SLC27A4: variants seen among roughly 807,000 people sequenced by gnomAD.
The protein encoded by SLC27A4 is long-chain fatty acid transport protein 4.
SLC27A4 carries 33 observed loss-of-function variants against 64.4 expected under a neutral mutation model. The observed-to-expected ratio is 0.51, with a 90% CI of 0.39 to 0.68. The LOEUF is 0.68. Ranked by LOEUF, SLC27A4 falls within the 30% of genes least tolerant of loss-of-function variation. SLC27A4 has a pLI of 0.00. For synonymous variants in SLC27A4, 377 were observed against 370.0 expected (o/e 1.02, Z -0.22); for missense variants, 824 against 883.5 (o/e 0.93, Z 0.85).
chr9:128,349,009 T>C (rs1003071097), intron 4 of SLC27A4, among the ~76,000 whole-genome samples: 1 of 124,794 alleles, frequency 8.0e-6, no homozygotes, highest in Non-Finnish European at 1.6e-5. Context: ...TCCTGTGGAC[T>C]CCGGGAACCT....
At chr9:128,351,721 T>C (rs1832739588) in intron 6 of SLC27A4, among the ~76,000 whole-genome samples, 1 of 152,022 alleles carries the variant, frequency 6.6e-6, no homozygotes, top group Non-Finnish European at 1.5e-5. Flanking sequence ...TGTCTCAAAA[T>C]AAATAAATAA....
chr9:128,360,570 C>A lies in SLC27A4; in HGVS notation c.*79C>A. 1 of 1,530,258 alleles carries A rather than the reference C, an allele frequency of 6.5e-7. No individual in the cohort carries two copies. Among genetic ancestry groups the A allele is most frequent in the South Asian group, 1.1e-5 (1 of 88,092 alleles). 94.8% of individuals were successfully genotyped at this position (1,530,258 alleles called of 1,614,324 possible). A position where few individuals can be genotyped will look rare whatever the true frequency, so the allele number is the denominator to read the frequency against. Reference sequence around the variant, plus strand: ...CGCCCCAGAGCGGTCCTGGACAAGGCCAGACCAAAGCAAGCAGGGCCTGGC... The same window carrying A: ...CGCCCCAGAGCGGTCCTGGACAAGGACAGACCAAAGCAAGCAGGGCCTGGC... On this transcript the variant is annotated 3_prime_UTR_variant, in exon 13 of 13. Coordinates refer to ENST00000300456, the MANE Select transcript of SLC27A4 (RefSeq NM_005094.4).
chr9:128,359,843 G>A (rs1289969617), intron 12 of SLC27A4, among the ~76,000 whole-genome samples: 3 of 152,130 alleles, frequency 2.0e-5, no homozygotes, highest in Admixed American at 2.0e-4. Flanking sequence ...TTTTATGTAC[G>A]AGTAAGAAAA....
At chr9:128,341,774 T>G (rs1832576276) in intron 1 of SLC27A4, among the ~76,000 whole-genome samples, 1 of 152,180 alleles carries the variant, frequency 6.6e-6, no homozygotes, top group South Asian at 2.1e-4. Flanking sequence ...AGTCTCGCTC[T>G]GTCTCCCAGG....
Position 128,355,419 on chromosome 9 carries a change from A to T in SLC27A4, c.1484A>T (p.Glu495Val). 1 of 1,613,566 alleles carries T rather than the reference A, an allele frequency of 6.2e-7. No homozygotes were observed. The change falls in exon 11 of 13, where the codon GAG becomes GTG. Residue 495 changes from glutamate to valine, a missense_variant. Glu to Val is a moderately radical substitution (Grantham distance 121). Coordinates refer to ENST00000300456, the MANE Select transcript of SLC27A4 (RefSeq NM_005094.4). ...CTAGGTGATGTGCTGGTGATGGACG[A>T]GCTGGGCTACCTGTACTTCCGAGAC... is the stretch of plus-strand genomic sequence containing the variant. ...YLTGDVLVMD[E>V]LGYLYFRDRT...
At chr9:128,356,582 T>A (rs906517002) in intron 12 of SLC27A4, among the ~76,000 whole-genome samples, 2 of 152,144 alleles carry the variant, frequency 1.3e-5, no homozygotes, top group African/African-American at 4.8e-5. Context: ...GGCGGGCAGA[T>A]CACTTGAGGT....
chr9:128,354,839 G>A (rs1832792436), intron 9 of SLC27A4, among the ~76,000 whole-genome samples: 1 of 151,558 alleles, frequency 6.6e-6, no homozygotes, highest in Non-Finnish European at 1.5e-5. Context: ...TGTAATCTCA[G>A]CTACTCAGGA....
In SLC27A4 at chr9:128,340,686, G is replaced by C; in HGVS notation, c.-159G>C. 2.5e-6 allele frequency: 1 copy of C among 394,754 alleles called. No homozygotes were observed. Among genetic ancestry groups the C allele is most frequent in the Non-Finnish European group, 4.5e-6 (1 of 221,954 alleles). The allele number at this position is 394,754 out of a possible 1,614,324, so 24.5% of individuals were successfully genotyped here. ...GGGCCGGGCGGCGGGCGGGGCTGGC[G>C]GGGCGGCCGGGCCATGCAGGGCGCA... On this transcript the variant is annotated 5_prime_UTR_variant, in exon 1 of 13. Coordinates refer to ENST00000300456, the MANE Select transcript of SLC27A4 (RefSeq NM_005094.4).
chr9:128,353,015 T>A lies in SLC27A4; in HGVS notation c.988-10T>A. ...TCTGGAGCCTCGAATCACACCAAGTTCACCCCCAGATTGTGCAGTACATTG... is the reference window on the plus strand; with the variant it reads ...TCTGGAGCCTCGAATCACACCAAGTACACCCCCAGATTGTGCAGTACATTG... On this transcript the variant is annotated splice_polypyrimidine_tract_variant and intron_variant, in intron 7 of 12. Coordinates refer to ENST00000300456, the MANE Select transcript of SLC27A4 (RefSeq NM_005094.4). This position sits in a 1 kb window ranked among gnomAD's most constrained non-coding sequence, Gnocchi z 4.9. The A allele has an allele frequency of 6.2e-7, 1 of 1,610,722 alleles. No homozygotes were observed. Among genetic ancestry groups the A allele is most frequent in the South Asian group, 1.1e-5 (1 of 90,614 alleles).
chr9:128,359,448 A>T (rs1177145257), intron 12 of SLC27A4, among the ~76,000 whole-genome samples: 1 of 151,950 alleles, frequency 6.6e-6, no homozygotes, highest in Non-Finnish European at 1.5e-5. Context: ...ACATGGTGAA[A>T]CCCCGTCTCT....
intron 1 of SLC27A4, chr9:128,342,222 C>T (rs1303776711): frequency 1.2e-6 from 2 of 1,607,992 alleles, no homozygotes; most frequent in Admixed American, 1.7e-5. Flanking sequence ...TCCGCTTTTC[C>T]TCCGCAACCA....
Position 128,360,515 on chromosome 9 carries a change from G to T in SLC27A4, c.*24G>T, listed in dbSNP as rs138008274. 6.2e-7 allele frequency: 1 copy of T among 1,612,406 alleles called. No homozygotes were observed. The highest frequency in any genetic ancestry group is 1.1e-5 in the South Asian group (1 of 90,992). The stretch of plus-strand genomic sequence containing the variant: ...GATTCCCCCCATCCCTCTGAGGGCC[G>T]GCGGATGCTGGATCCGGAGCCCCAG... On this transcript the variant is annotated 3_prime_UTR_variant, in exon 13 of 13. Transcript: ENST00000300456.
In SLC27A4 at chr9:128,343,104, C is replaced by T. The variant is rs372459135; in HGVS notation, c.-6-23C>T. On this transcript the variant is annotated intron_variant, in intron 1 of 12. Transcript: ENST00000300456. The stretch of plus-strand genomic sequence containing the variant: ...ACCTGGAGGGTTGGGTGTTTGGGTC[C>T]ACTAACTGCCCTGTGTCCGCAGGCC... 3.1e-6 allele frequency: 5 copies of T among 1,612,144 alleles called. No homozygotes were observed. The African/African-American group carries it at 4.0e-5, about 13-fold the overall frequency.
intron 4 of SLC27A4, 78 bp from the exon 5 acceptor site, chr9:128,350,234 C>T: frequency 1.7e-6 from 2 of 1,187,560 alleles, no homozygotes; most frequent in Non-Finnish European, 2.5e-6. Flanking sequence ...AGGGTGCACA[C>T]CTGCAGGTGT....
rs748034205 is a variant in SLC27A4 at position 128,345,312 on chromosome 9, C to T, written c.319C>T (p.Leu107=). ...GTDTHWTFRQ[L]DEYSSSVANF... is the part of the protein sequence containing the mutation. ...AGATACCCACTGGACCTTCCGCCAG[C>T]TGGATGAGTACTCAAGCAGTGTAGC... Residue 107 remains leucine (L), a synonymous_variant, in exon 3 of 13, where the codon CTG becomes TTG. Coordinates refer to ENST00000300456, the MANE Select transcript of SLC27A4 (RefSeq NM_005094.4). The surrounding 1 kb of genome is among the most constrained non-coding windows in gnomAD (Gnocchi z 4.1). 1 of 1,613,764 alleles carries T rather than the reference C, an allele frequency of 6.2e-7. No individual in the cohort carries two copies. The highest frequency in any genetic ancestry group is 8.5e-7 in the Non-Finnish European group (1 of 1,180,026).
chr9:128,355,843 G>C, intron 12 of SLC27A4, 47 bp downstream of exon 12: 1 of 1,608,148 alleles, frequency 6.2e-7, no homozygotes, highest in South Asian at 1.1e-5. Flanking sequence ...GTCCCTTCCC[G>C]TTTCCTTCTG....
At chr9:128,351,366 G>T (rs1373312377) in intron 6 of SLC27A4, among the ~76,000 whole-genome samples, 2 of 151,946 alleles carry the variant, frequency 1.3e-5, no homozygotes, top group African/African-American at 4.8e-5. Context: ...GGCAAAGGTT[G>T]CAGTGAGCTG....
rs762221085 is a variant in SLC27A4, at chr9:128,353,513, C to T, written c.1296C>T (p.Pro432=). The change falls in exon 9 of 13, where the codon CCC becomes CCT. Residue 432 remains proline (P), a synonymous_variant. Transcript: ENST00000300456. The surrounding 1 kb of genome is among the most constrained non-coding windows in gnomAD (Gnocchi z 4.9). ...ACACCATGGAGCTGATCCGGGGGCC[C>T]GACGGCGTCTGCATTCCCTGCCAGC... ...NEDTMELIRG[P]DGVCIPCQPG... The T allele has an allele frequency of 2.3e-5, 37 of 1,613,868 alleles. No individual in the cohort carries two copies. The highest frequency in any genetic ancestry group is 2.8e-5 in the Non-Finnish European group (33 of 1,180,020).
Position 128,345,197 on chromosome 9 carries a change from G to A in SLC27A4, c.204G>A (p.Gln68=), listed in dbSNP as rs770580187. The part of the protein sequence containing the change: ...VLLKVKAKVR[Q]CLQERRTVPI... ...TGAAGGTGAAGGCAAAGGTGCGACA[G>A]TGCCTGCAGGAGCGGCGGACAGTGC... is the stretch of plus-strand genomic sequence containing the variant. The change falls in exon 3 of 13, where the codon CAG becomes CAA. Residue 68 remains glutamine (Q), a synonymous_variant. Transcript: ENST00000300456. This position sits in a 1 kb window ranked among gnomAD's most constrained non-coding sequence, Gnocchi z 4.1. 5 of 1,613,592 alleles carry A rather than the reference G, an allele frequency of 3.1e-6. No homozygotes were observed.
Sources: gnomAD v4.1 joint callset for allele counts (sites outside exome capture counted in the v4.1 genomes callset) on GRCh38, gnomAD v4.1.1 for gene constraint, Gnocchi (gnomAD v3.1) non-coding constraint, MANE v1.5 for transcripts, NCBI Gene and HGNC (gene_info 2026-07-23, HGNC 2026-07-21) for gene names.